The following PPP6R2 variants were observed in gnomAD, a reference collection of about 807,000 sequenced individuals.
PPP6R2 encodes the protein protein phosphatase 6 regulatory subunit 2, also known as serine/threonine-protein phosphatase 6 regulatory subunit 2.
A neutral mutation model predicts 100.2 loss-of-function variants in PPP6R2; 62 were observed. The observed-to-expected ratio is 0.62, with a 90% CI of 0.50 to 0.76. The LOEUF is 0.76. Among genes scored for constraint, PPP6R2 ranks in the 30% least tolerant of loss-of-function variants. PPP6R2 has a pLI of 0.00. For synonymous variants in PPP6R2, 525 were observed against 514.7 expected (o/e 1.02, Z -0.27); for missense variants, 1,142 against 1,276.3 (o/e 0.89, Z 1.60).
intron 12 of PPP6R2, among the ~76,000 whole-genome samples, chr22:50,433,082 A>AGTG (rs2063473864): frequency 6.6e-6 from 1 of 152,276 alleles, no homozygotes; most frequent in African/African-American, 2.4e-5. Context: ...CATCTGTCTC[A>AGTG]GTGGCACTTT....
chr22:50,420,038 G>A (rs779076736), intron 8 of PPP6R2, among the ~76,000 whole-genome samples: 3 of 152,182 alleles, frequency 2.0e-5, no homozygotes, highest in Non-Finnish European at 2.9e-5. Context: ...GCACTAACAC[G>A]GGCCCGAGGA....
At chr22:50,339,429 G>A (rs1356708517), upstream of PPP6R2, among the ~76,000 whole-genome samples, 16 of 132,498 alleles carry the variant, frequency 1.2e-4, no homozygotes, top group East Asian at 2.3e-4. Context: ...TGTGTGGTGT[G>A]TGTTTACGGT....
chr22:50,346,911 C>G (rs959633435), intron 1 of PPP6R2, among the ~76,000 whole-genome samples: 1 of 151,412 alleles, frequency 6.6e-6, no homozygotes, highest in Non-Finnish European at 1.5e-5. Flanking sequence ...AGTCACTGAC[C>G]GCATAATCCC....
chr22:50,438,547 T>C (rs987591924), intron 18 of PPP6R2, 52 bp from the exon 19 acceptor site: 13 of 1,592,010 alleles, frequency 8.2e-6, no homozygotes, highest in Middle Eastern at 1.9e-4. Flanking sequence ...TGACCCTCCA[T>C]GTTAGGCGTC....
At chr22:50,384,345 G>A (rs2053753760) in intron 2 of PPP6R2, among the ~76,000 whole-genome samples, 1 of 152,156 alleles carries the variant, frequency 6.6e-6, no homozygotes, top group African/African-American at 2.4e-5. Context: ...CACGAGGTCA[G>A]TAGACCGAGA....
At chr22:50,338,937 TGGGTGTGTA>T (rs1384190841), upstream of PPP6R2, among the ~76,000 whole-genome samples, 4 of 124,330 alleles carry the variant, frequency 3.2e-5, no homozygotes, top group East Asian at 1.0e-3. Context: ...GTGGTGTGTG[TGGGTGTGTA>T]GGGTGTGGTG....
rs368361865 is a variant in PPP6R2 at position 50,429,098 on chromosome 22, TTG to T, written c.1126-2074_1126-2073del. 2.3e-3 allele frequency among the ~76,000 whole-genome samples: 351 copies of T among 152,300 alleles called. 1 individual carries two copies. Among genetic ancestry groups the T allele is most frequent in the African/African-American group, 7.2e-3 (301 of 41,560 alleles). ...CAGGCTGGAGTGCAGTGGCATGATC[TTG>T]GCTCACGGCAACCGCCGCCTCCTGG... On this transcript the variant is annotated intron_variant, in intron 10 of 23. Coordinates refer to ENST00000612753, the MANE Select transcript of PPP6R2 (RefSeq NM_001242898.2).
Position 50,391,702 on chromosome 22 carries a change from GTT to G in PPP6R2, c.-16-2180_-16-2179del, listed in dbSNP as rs71198243. Among the ~76,000 whole-genome samples, 7 of 144,922 alleles carry G rather than the reference GTT, an allele frequency of 4.8e-5. No homozygotes were observed. In the South Asian group the frequency reaches 1.3e-3, roughly 27 times the overall value. On this transcript the variant is annotated intron_variant, in intron 2 of 23. Coordinates refer to ENST00000612753, the MANE Select transcript of PPP6R2 (RefSeq NM_001242898.2). ...TTGAATTTATGTCTGGTATCTTGCT[GTT>G]TTTTTTTTTTATTTTGTCTCCTCTG...
chr22:50,375,117 C>T (rs969685014), intron 2 of PPP6R2, among the ~76,000 whole-genome samples: 8 of 151,842 alleles, frequency 5.3e-5, no homozygotes, highest in South Asian at 2.1e-4. Context: ...CTCAAAGCGA[C>T]GAGAGCATGT....
intron 4 of PPP6R2, among the ~76,000 whole-genome samples, chr22:50,410,770 C>G (rs980265381): frequency 1.3e-4 from 20 of 151,722 alleles, no homozygotes; most frequent in African/African-American, 4.4e-4. Flanking sequence ...TTGGAGGAAA[C>G]ATGTCAAAGC....
Position 50,435,075 on chromosome 22 carries a change from A to G in PPP6R2, c.1510A>G (p.Ile504Val). ...GPVQTHISEV[I>V]RGLPADCRGR... is the part of the protein sequence containing the mutation. ...TGTGCAGACGCACATCAGCGAGGTCATCCGAGGTGAGCCCCCAACCCGGTC... is the reference window on the plus strand; with the variant it reads ...TGTGCAGACGCACATCAGCGAGGTCGTCCGAGGTGAGCCCCCAACCCGGTC... Residue 504 changes from isoleucine (I) to valine (V), a missense_variant, in exon 13 of 24, where the codon ATC (isoleucine) becomes GTC (valine). Physicochemically the swap from Ile to Val is conservative, Grantham distance 29. Around this residue, in one of 2 missense-constraint regions of PPP6R2, gnomAD observed 592 missense variants for 758.9 expected, o/e 0.78. Transcript: ENST00000612753. The G allele has an allele frequency of 6.5e-7, 1 of 1,543,104 alleles. No homozygotes were observed.
At chr22:50,443,550 T>G in intron 22 of PPP6R2, 5 of 365,318 alleles carry the variant, frequency 1.4e-5, no homozygotes, top group Non-Finnish European at 1.5e-5. Flanking sequence ...GAGGCTGAAG[T>G]TGAGATCATA....
intron 13 of PPP6R2, 123 bp downstream of exon 13, chr22:50,435,204 T>C: frequency 1.4e-6 from 1 of 694,180 alleles, no homozygotes. Context: ...GAGAGACCCA[T>C]GGCCACCTCT....
intron 2 of PPP6R2, among the ~76,000 whole-genome samples, chr22:50,392,816 C>A (rs1344983350): frequency 6.6e-6 from 1 of 152,130 alleles, no homozygotes; most frequent in African/African-American, 2.4e-5. Context: ...ACGATGGAGG[C>A]TCCCGTGTCA....
intron 2 of PPP6R2, chr22:50,392,134 G>T (rs1458372438): frequency 6.6e-6 from 1 of 152,026 alleles, no homozygotes; most frequent in African/African-American, 2.4e-5. Flanking sequence ...TCTGAAGTTT[G>T]CCGCTACCAC....
intron 14 of PPP6R2, 35 bp downstream of exon 14, chr22:50,436,487 C>A (rs1221066374): frequency 6.4e-7 from 1 of 1,554,718 alleles, no homozygotes; most frequent in South Asian, 1.2e-5. Flanking sequence ...TCGGTGCACG[C>A]ACGGTGCTGG....
At chr22:50,354,538 A>G (rs1392807442) in intron 1 of PPP6R2, among the ~76,000 whole-genome samples, 1 of 151,444 alleles carries the variant, frequency 6.6e-6, no homozygotes, top group Non-Finnish European at 1.5e-5. Context: ...GAACACAAAC[A>G]TTTGTAGGTG....
At chr22:50,410,047 AT>A (rs1007266159) in intron 4 of PPP6R2, among the ~76,000 whole-genome samples, 21 of 150,806 alleles carry the variant, frequency 1.4e-4, no homozygotes, top group African/African-American at 4.6e-4. Flanking sequence ...TTTTGTTTTT[AT>A]TTTTTTTCTT....
At chr22:50,365,459 A>T (rs1209622527) in intron 1 of PPP6R2, among the ~76,000 whole-genome samples, 1 of 151,976 alleles carries the variant, frequency 6.6e-6, no homozygotes, top group Admixed American at 6.5e-5. Flanking sequence ...TGGGTGGATC[A>T]TGAGGTCAGG....
Sources: allele counts gnomAD v4.1 joint callset (sites outside exome capture counted in the v4.1 genomes callset), GRCh38; gene constraint gnomAD v4.1.1; regional missense constraint gnomAD v4.1.1; transcripts MANE v1.5; gene names NCBI Gene and HGNC (gene_info 2026-07-23, HGNC 2026-07-21).